Variants in SNX29 observed in about 807,000 individuals in gnomAD.
SNX29 encodes sorting nexin-29.
SNX29 carries 78 observed loss-of-function variants against 102.1 expected under a neutral mutation model. The ratio of observed to expected loss-of-function variants is 0.76; its 90% CI spans 0.64 to 0.92. The LOEUF (loss-of-function observed/expected upper bound fraction) is 0.92. Among genes scored for constraint, SNX29 ranks in the 40% least tolerant of loss-of-function variants. The pLI is 0.00. For synonymous variants in SNX29, 580 were observed against 414.5 expected, an observed-to-expected ratio of 1.40 and a Z score of -4.85; for missense variants, 1,280 against 1,061.7, an observed-to-expected ratio of 1.21 and a Z score of -2.86.
intron 15 of SNX29, among the ~76,000 whole-genome samples, chr16:12,353,889 G>A (rs981047025): frequency 6.6e-6 from 1 of 152,224 alleles, no homozygotes. Context: ...AGATCATTGT[G>A]CCTGCTTGGA....
chr16:12,199,658 G>C lies in SNX29; in HGVS notation c.1653G>C (p.Leu551=), dbSNP rs757959949. The change falls in exon 14 of 21, where the codon CTG becomes CTC. Residue 551 remains leucine (L), a synonymous_variant. Transcript: ENST00000566228. ...LKKYVGAVQM[L]KREGQTAEVP... ...AATATGTAGGAGCTGTCCAGATGCTGAAAAGAGAAGGTCAAACAGCTGAAG... is the reference window on the plus strand; with the variant it reads ...AATATGTAGGAGCTGTCCAGATGCTCAAAAGAGAAGGTCAAACAGCTGAAG... The C allele has an allele frequency of 6.2e-7, 1 of 1,612,776 alleles. No homozygotes were observed.
Position 12,027,390 on chromosome 16 carries a change from C to T in SNX29, c.193C>T (p.Leu65Phe), listed in dbSNP as rs777566430. The T allele has an allele frequency of 1.4e-5, 22 of 1,614,064 alleles. No homozygotes were observed. Among genetic ancestry groups the T allele is most frequent in the Non-Finnish European group, 3.4e-6 (4 of 1,180,032 alleles). The change falls in exon 4 of 21, where the codon CTC becomes TTC. Residue 65 changes from leucine (L) to phenylalanine (F), a missense_variant. Coordinates refer to ENST00000566228, the MANE Select transcript of SNX29 (RefSeq NM_032167.5). ...CTTGAAGAGGAGTCGAGGATTGGCACTCACAGCGGCAGCGATCAAGCAGGC... is the reference window on the plus strand; with the variant it reads ...CTTGAAGAGGAGTCGAGGATTGGCATTCACAGCGGCAGCGATCAAGCAGGC... ...HGLKRSRGLA[L>F]TAAAIKQAAG...
chr16:12,289,070 C>T (rs1390567623), intron 15 of SNX29, among the ~76,000 whole-genome samples: 3 of 152,172 alleles, frequency 2.0e-5, no homozygotes, highest in African/African-American at 7.2e-5. Flanking sequence ...AGAACTAGAA[C>T]GATGGAAGAG....
chr16:12,376,274 T>C (rs2082871097), intron 16 of SNX29, among the ~76,000 whole-genome samples: 1 of 152,146 alleles, frequency 6.6e-6, no homozygotes, highest in Admixed American at 6.5e-5. Context: ...GGGAGCGAGT[T>C]GTCACAGGCT....
intron 15 of SNX29, among the ~76,000 whole-genome samples, chr16:12,282,560 C>T (rs1348674463): frequency 6.6e-6 from 1 of 152,172 alleles, no homozygotes; most frequent in Non-Finnish European, 1.5e-5. Flanking sequence ...TGTTGAGTGG[C>T]TTCAGTCATC....
chr16:12,356,455 T>C (rs1426935083), intron 16 of SNX29, among the ~76,000 whole-genome samples, 176 bp downstream of exon 16: 1 of 152,186 alleles, frequency 6.6e-6, no homozygotes, highest in Non-Finnish European at 1.5e-5. Context: ...ATAAGTAAAA[T>C]GTTACAAGTT....
At chr16:12,276,057 T>C (rs1353589199) in intron 14 of SNX29, among the ~76,000 whole-genome samples, 1 of 151,904 alleles carries the variant, frequency 6.6e-6, no homozygotes, top group Non-Finnish European at 1.5e-5. Context: ...CATGTCCAGC[T>C]GATTTTTGTA....
intron 15 of SNX29, among the ~76,000 whole-genome samples, chr16:12,315,282 C>T (rs938381908): frequency 3.9e-5 from 6 of 152,100 alleles, no homozygotes; most frequent in Non-Finnish European, 5.9e-5. Context: ...GGCCTTGCTC[C>T]GGACCAGGGA....
At chr16:12,094,739 C>T (rs1490861395) in intron 11 of SNX29, among the ~76,000 whole-genome samples, 1 of 152,122 alleles carries the variant, frequency 6.6e-6, no homozygotes, top group Non-Finnish European at 1.5e-5. Context: ...CAGGACAGGT[C>T]CTCCCAACAG....
At chr16:12,157,296 G>A (rs11647545) in intron 13 of SNX29, among the ~76,000 whole-genome samples, 24,253 of 152,120 alleles carry the variant, frequency 0.16, 2,106 homozygotes, top group East Asian at 0.27. Context: ...CTCTGGAGAA[G>A]GTCCTGAGGG....
chr16:12,306,822 G>A (rs1376627777), intron 15 of SNX29, among the ~76,000 whole-genome samples: 1 of 152,198 alleles, frequency 6.6e-6, no homozygotes, highest in Non-Finnish European at 1.5e-5. Context: ...TAACTCCCTG[G>A]TGGCCAGCCC....
chr16:12,347,000 TC>T (rs1446914148), intron 15 of SNX29, among the ~76,000 whole-genome samples: 1 of 152,176 alleles, frequency 6.6e-6, no homozygotes, highest in African/African-American at 2.4e-5. Context: ...CTCAGAGGCG[TC>T]CCCTTACTAA....
intron 19 of SNX29, among the ~76,000 whole-genome samples, chr16:12,523,751 G>T (rs1285434967): frequency 6.6e-6 from 1 of 152,182 alleles, no homozygotes; most frequent in Non-Finnish European, 1.5e-5. Context: ...GGGGGTTCTG[G>T]ATCACAGAGC....
At chr16:12,206,687 T>G (rs1048041153) in intron 14 of SNX29, among the ~76,000 whole-genome samples, 9 of 152,128 alleles carry the variant, frequency 5.9e-5, no homozygotes, top group African/African-American at 2.2e-4. Context: ...GTCCCGTCTT[T>G]CCATCTCTTC....
chr16:12,183,408 T>G (rs1462812786), intron 13 of SNX29, among the ~76,000 whole-genome samples: 2 of 152,218 alleles, frequency 1.3e-5, no homozygotes, highest in African/African-American at 4.8e-5. Flanking sequence ...CACCTAGATT[T>G]ACCAACTTTT....
At chr16:12,373,207 G>C (rs1345156124) in intron 16 of SNX29, among the ~76,000 whole-genome samples, 4 of 152,116 alleles carry the variant, frequency 2.6e-5, no homozygotes, top group African/African-American at 4.8e-5. Context: ...GTCATAGCTC[G>C]CTGCAGCCTC....
At chr16:12,019,482 AGAG>A (rs1355742267) in intron 3 of SNX29, among the ~76,000 whole-genome samples, 1 of 151,282 alleles carries the variant, frequency 6.6e-6, no homozygotes, top group African/African-American at 2.4e-5. Flanking sequence ...TGGGATTACA[AGAG>A]TGAGCCACCG....
chr16:12,047,707 G>T (rs1186054970), intron 6 of SNX29, among the ~76,000 whole-genome samples: 3 of 149,638 alleles, frequency 2.0e-5, no homozygotes, highest in African/African-American at 7.4e-5. Flanking sequence ...GCCCAGGCTG[G>T]AGTGCAATGG....
chr16:12,445,360 G>A (rs1311074609), intron 18 of SNX29, among the ~76,000 whole-genome samples: 4 of 152,062 alleles, frequency 2.6e-5, no homozygotes, highest in African/African-American at 9.7e-5. Flanking sequence ...CCCGCTTCAG[G>A]GCTCCTGTAT....
Sources: gnomAD v4.1 joint callset for allele counts (sites outside exome capture counted in the v4.1 genomes callset) on GRCh38, gnomAD v4.1.1 for gene constraint, MANE v1.5 for transcripts, NCBI Gene and HGNC (gene_info 2026-07-23, HGNC 2026-07-21) for gene names.